Variants in RPS6KA2 observed in about 807,000 individuals in gnomAD.
The protein encoded by RPS6KA2 is ribosomal protein S6 kinase alpha-2.
Under a neutral mutation model 91.8 loss-of-function variants are expected in RPS6KA2, and 42 were observed. The ratio of observed to expected loss-of-function variants is 0.46; its 90% CI spans 0.36 to 0.59. The LOEUF (loss-of-function observed/expected upper bound fraction) is 0.59. RPS6KA2 is among the 20% of genes least tolerant of loss of function. The pLI, the probability that RPS6KA2 is intolerant of heterozygous loss-of-function variation, is 0.00. For synonymous variants in RPS6KA2, 414 were observed against 393.6 expected (o/e 1.05, Z -0.61); for missense variants, 798 against 978.5 (o/e 0.82, Z 2.46).
intron 5 of RPS6KA2, among the ~76,000 whole-genome samples, chr6:166,505,593 G>A (rs563621446): frequency 5.3e-5 from 8 of 152,322 alleles, no homozygotes; most frequent in Admixed American, 2.0e-4. Context: ...AAGGCTGCCC[G>A]GCAAACACAA....
At chr6:166,664,097 C>T (rs1225552174) in intron 2 of RPS6KA2, among the ~76,000 whole-genome samples, 1 of 152,198 alleles carries the variant, frequency 6.6e-6, no homozygotes, top group African/African-American at 2.4e-5. Context: ...CTTATGTGTC[C>T]ATCTGCACAT....
intron 2 of RPS6KA2, among the ~76,000 whole-genome samples, chr6:166,784,905 C>T (rs1778890634): frequency 6.6e-6 from 1 of 152,228 alleles, no homozygotes. Context: ...GTTTGCCTCA[C>T]TTTGCATGTG....
intron 2 of RPS6KA2, among the ~76,000 whole-genome samples, chr6:166,678,196 T>G (rs546454623): frequency 6.6e-6 from 1 of 152,308 alleles, no homozygotes; most frequent in South Asian, 2.1e-4. Context: ...AGAGCCTCCT[T>G]ACCTTCCCAC....
At chr6:166,858,311 G>T (rs757679259) in intron 1 of RPS6KA2, 78 of 1,037,554 alleles carry the variant, frequency 7.5e-5, no homozygotes, top group Non-Finnish European at 3.9e-5. Flanking sequence ...TGTGTTTGTA[G>T]GTGGCCTCAT....
chr6:166,794,319 C>A, intron 2 of RPS6KA2, among the ~76,000 whole-genome samples: 1 of 151,968 alleles, frequency 6.6e-6, no homozygotes, highest in East Asian at 1.9e-4. Context: ...CATCTCATAC[C>A]AGTTAGAATG....
rs776209978 is a variant in RPS6KA2, at chr6:166,469,950, G to A, written c.908-45C>T. On this transcript the variant is annotated intron_variant, in intron 10 of 20. Coordinates refer to ENST00000265678, the MANE Select transcript of RPS6KA2 (RefSeq NM_021135.6). ...GATCATCAGAACAAATCCAAGATGG[G>A]GTTCTCTGACAGTTTCCAATGCAGC... 17 of 1,541,086 alleles carry A rather than the reference G, an allele frequency of 1.1e-5. No homozygotes were observed. The South Asian group carries it at 1.9e-4, about 17-fold the overall frequency.
chr6:166,751,764 T>C (rs1430100939), intron 2 of RPS6KA2, among the ~76,000 whole-genome samples: 1 of 152,258 alleles, frequency 6.6e-6, no homozygotes, highest in Non-Finnish European at 1.5e-5. Flanking sequence ...TTGGGGATTC[T>C]ATGCAAAGCC....
At chr6:166,460,148 G>C (rs1161401352) in intron 11 of RPS6KA2, among the ~76,000 whole-genome samples, 1 of 152,230 alleles carries the variant, frequency 6.6e-6, no homozygotes, top group Non-Finnish European at 1.5e-5. Context: ...GGGCGCCCAG[G>C]CTCCTCGACA....
chr6:166,753,618 C>T (rs1777912528), intron 2 of RPS6KA2, among the ~76,000 whole-genome samples: 1 of 152,168 alleles, frequency 6.6e-6, no homozygotes, highest in Non-Finnish European at 1.5e-5. Flanking sequence ...TCCACAGGGA[C>T]ATAAAGTTAA....
chr6:166,432,238 C>A (rs553622189), intron 15 of RPS6KA2, among the ~76,000 whole-genome samples, 163 bp downstream of exon 15: 1 of 152,306 alleles, frequency 6.6e-6, no homozygotes, highest in Admixed American at 6.5e-5. Flanking sequence ...GACTTGAGTA[C>A]ACAGTCCAGC....
At chr6:166,536,014 C>T (rs1287753739) in intron 2 of RPS6KA2, among the ~76,000 whole-genome samples, 1 of 152,250 alleles carries the variant, frequency 6.6e-6, no homozygotes, top group Non-Finnish European at 1.5e-5. Flanking sequence ...TGGGACAAGT[C>T]ACTCGGATGG....
intron 1 of RPS6KA2, among the ~76,000 whole-genome samples, chr6:166,600,459 ACC>A (rs1047297923): frequency 6.6e-6 from 1 of 152,268 alleles, no homozygotes; most frequent in Non-Finnish European, 1.5e-5. Context: ...TGAATGAGTC[ACC>A]ACCATCAGAT....
At chr6:166,816,391 C>CAAACAA (rs1779763978) in intron 2 of RPS6KA2, among the ~76,000 whole-genome samples, 1 of 120,078 alleles carries the variant, frequency 8.3e-6, no homozygotes, top group South Asian at 3.0e-4. Context: ...ACTAAAAATA[C>CAAACAA]AAAAAAAAAA....
intron 1 of RPS6KA2, among the ~76,000 whole-genome samples, chr6:166,618,112 G>A (rs983832116): frequency 6.6e-6 from 1 of 152,232 alleles, no homozygotes; most frequent in Non-Finnish European, 1.5e-5. Context: ...ATATACCACT[G>A]TGGGTGACCA....
At chr6:166,582,709 A>C (rs1414951093) in intron 1 of RPS6KA2, among the ~76,000 whole-genome samples, 1 of 152,234 alleles carries the variant, frequency 6.6e-6, no homozygotes, top group Non-Finnish European at 1.5e-5. Context: ...AAGAGGTTAG[A>C]TATGATTTCC....
rs66993073 is a variant in RPS6KA2, at chr6:166,710,485, A to AGT, written c.123+147713_123+147714dup. Among the ~76,000 whole-genome samples, 1,129 of 149,988 alleles carry AGT rather than the reference A, an allele frequency of 7.5e-3. 18 individuals are homozygous for AGT. Among genetic ancestry groups the AGT allele is most frequent in the African/African-American group, 0.024 (969 of 40,854 alleles). On this transcript the variant is annotated intron_variant, in intron 2 of 21. Transcript: ENST00000503859. ...ATATGTGTATGGTATGTGTTGTGTG[A>AGT]GTGTGTGTGTGTGTGTGTGTGTGTG...
Position 166,531,465 on chromosome 6 carries a change from G to C in RPS6KA2, c.217-152C>G, listed in dbSNP as rs35814781. On this transcript the variant is annotated intron_variant, in intron 2 of 20. Transcript: ENST00000265678. ...ATTTAAAATTTTCTCCAACGTCAAG[G>C]CTGCCGGAAAATGCTCTAAGTTCCT... is the stretch of plus-strand genomic sequence containing the variant. The C allele has an allele frequency of 1.4e-3, 875 of 638,480 alleles. 3 individuals are homozygous for C. Among genetic ancestry groups the C allele is most frequent in the Middle Eastern group, 5.0e-3 (15 of 3,020 alleles). The allele number at this position is 638,480 out of a possible 1,614,324, so 39.6% of individuals were successfully genotyped here. A position where few individuals can be genotyped will look rare whatever the true frequency, so the allele number is the denominator to read the frequency against.
rs1259014237 is a variant in RPS6KA2, at chr6:166,493,944, G to A, written c.748-3203C>T. ...AGAGTGGCGGCCCCGGCACAGGCAG[G>A]ATGCGCCTCATGGAGGCCAGTGGTA... On this transcript the variant is annotated intron_variant, in intron 8 of 20. Coordinates refer to ENST00000265678, the MANE Select transcript of RPS6KA2 (RefSeq NM_021135.6). The surrounding 1 kb of genome is among the most constrained non-coding windows in gnomAD (Gnocchi z 4.7). Among the ~76,000 whole-genome samples the A allele has an allele frequency of 6.6e-6, 1 of 152,180 alleles. No homozygotes were observed. The highest frequency in any genetic ancestry group is 6.5e-5 in the Admixed American group (1 of 15,284).
chr6:166,835,690 A>G (rs891006241), intron 2 of RPS6KA2, among the ~76,000 whole-genome samples: 4 of 152,220 alleles, frequency 2.6e-5, no homozygotes, highest in African/African-American at 9.6e-5. Context: ...TTGTATGAAA[A>G]TAAATGCAGC....
Sources: allele counts gnomAD v4.1 joint callset (sites outside exome capture counted in the v4.1 genomes callset), GRCh38; gene constraint gnomAD v4.1.1; non-coding constraint Gnocchi (gnomAD v3.1); transcripts MANE v1.5; gene names NCBI Gene and HGNC (gene_info 2026-07-23, HGNC 2026-07-21).